AMBRA1: variants seen among roughly 807,000 people sequenced by gnomAD.
AMBRA1 encodes the protein activating molecule in BECN1-regulated autophagy protein 1.
Under a neutral mutation model 125.4 loss-of-function variants are expected in AMBRA1, and 47 were observed. The ratio of observed to expected loss-of-function variants is 0.37; its 90% CI spans 0.30 to 0.48. AMBRA1 has a LOEUF of 0.48. Among genes scored for constraint, AMBRA1 ranks in the 20% least tolerant of loss-of-function variants. The pLI is 0.99. For missense variants in AMBRA1, 1,331 were observed against 1,693.4 expected, an observed-to-expected ratio of 0.79 and a Z score of 3.76; for synonymous variants, 626 against 655.5, an observed-to-expected ratio of 0.95 and a Z score of 0.69.
At chr11:46,417,482 T>C (rs1397681340) in intron 15 of AMBRA1, among the ~76,000 whole-genome samples, 1 of 152,240 alleles carries the variant, frequency 6.6e-6, no homozygotes, top group African/African-American at 2.4e-5. Flanking sequence ...CTTAACAAAT[T>C]AGGGTTTCAA....
chr11:46,525,473 G>A (rs779757583), intron 7 of AMBRA1, among the ~76,000 whole-genome samples: 2 of 152,038 alleles, frequency 1.3e-5, no homozygotes, highest in Non-Finnish European at 2.9e-5. Context: ...GTCTGGGCGC[G>A]GTGGCTCATG....
chr11:46,583,862 G>A (rs1270006859), intron 1 of AMBRA1, among the ~76,000 whole-genome samples: 1 of 146,428 alleles, frequency 6.8e-6, no homozygotes, highest in Non-Finnish European at 1.5e-5. Context: ...TCATTAAAAA[G>A]TCAGGAAACA....
intron 15 of AMBRA1, among the ~76,000 whole-genome samples, chr11:46,416,062 G>A (rs1198512960): frequency 6.6e-6 from 1 of 152,174 alleles, no homozygotes; most frequent in East Asian, 1.9e-4. Flanking sequence ...AGTGGTGGAA[G>A]CCATAGACAA....
At chr11:46,590,186 C>T (rs1565333025) in intron 1 of AMBRA1, among the ~76,000 whole-genome samples, 1 of 151,752 alleles carries the variant, frequency 6.6e-6, no homozygotes, top group Non-Finnish European at 1.5e-5. Context: ...TCCTGGCCAA[C>T]ACGGTGAAAC....
chr11:46,552,472 T>C (rs1206041630), intron 1 of AMBRA1, among the ~76,000 whole-genome samples: 1 of 141,648 alleles, frequency 7.1e-6, no homozygotes, highest in African/African-American at 2.7e-5. Context: ...TGGTAACAAG[T>C]TCAAGAGATC....
At chr11:46,527,477 C>CA (rs59904013) in intron 7 of AMBRA1, among the ~76,000 whole-genome samples, 13,395 of 25,882 alleles carry the variant, frequency 0.52, 5,377 homozygotes, top group Non-Finnish European at 0.61. Context: ...GAGACTGTCT[C>CA]AAAAAAAAAA....
At chr11:46,404,716 T>C (rs149872449) in intron 17 of AMBRA1, among the ~76,000 whole-genome samples, 87 of 152,274 alleles carry the variant, frequency 5.7e-4, no homozygotes, top group African/African-American at 2.0e-3. Flanking sequence ...TACTCTACTT[T>C]ACAGGAGGAG....
At chr11:46,525,415 T>G (rs1293186376) in intron 7 of AMBRA1, among the ~76,000 whole-genome samples, 1 of 151,558 alleles carries the variant, frequency 6.6e-6, no homozygotes, top group Non-Finnish European at 1.5e-5. Context: ...ATGGCCAAAG[T>G]GGCAAAACCC....
At chr11:46,459,563 T>C (rs2136827015) in intron 11 of AMBRA1, among the ~76,000 whole-genome samples, 1 of 151,954 alleles carries the variant, frequency 6.6e-6, no homozygotes, top group Admixed American at 6.6e-5. Context: ...ATACAAAAAG[T>C]AGCTGGGCAT....
chr11:46,547,885 A>AC lies in AMBRA1; in HGVS notation c.136-11_136-10insG. 5.5e-6 allele frequency: 1 copy of AC among 180,244 alleles called. No homozygotes were observed. The highest frequency in any genetic ancestry group is 1.0e-5 in the Non-Finnish European group (1 of 99,682). The allele number at this position is 180,244 out of a possible 1,614,324, so 11.2% of individuals were successfully genotyped here. A position where few individuals can be genotyped will look rare whatever the true frequency, so the allele number is the denominator to read the frequency against. On this transcript the variant is annotated splice_polypyrimidine_tract_variant and intron_variant, in intron 2 of 17. Coordinates refer to ENST00000683756, the MANE Select transcript of AMBRA1 (RefSeq NM_001387011.1). ...CCGGCAGTTCTACTCTCTGGGAGAC[A>AC]AAAAAAAAAAAAAAGTTAAAATACA...
At position 46,544,005 on chromosome 11, in the gene AMBRA1, G is replaced by A. The variant is rs564995250; in HGVS notation, c.588C>T (p.Leu196=). 11 of 1,614,020 alleles carry A rather than the reference G, an allele frequency of 6.8e-6. No individual in the cohort carries two copies. In the African/African-American group the frequency reaches 1.5e-4, roughly 22 times the overall value. Residue 196 remains leucine (L), a synonymous_variant, in exon 6 of 18, where the codon CTC becomes CTT. Transcript: ENST00000683756. ...VRFDPLGHYL[L]TAIVNPSNQQ... ...GATTAGAGGGGTTAACAATTGCTGT[G>A]AGTAAGTAGTGTCCAAGTGGATCAA...
intron 15 of AMBRA1, among the ~76,000 whole-genome samples, chr11:46,415,036 G>C (rs1372018777): frequency 1.3e-5 from 2 of 152,140 alleles, no homozygotes; most frequent in African/African-American, 4.8e-5. Flanking sequence ...CTGGGACAAA[G>C]GCAGACAGCC....
At chr11:46,401,383 G>A (rs1025355196) in intron 17 of AMBRA1, among the ~76,000 whole-genome samples, 2 of 152,180 alleles carry the variant, frequency 1.3e-5, no homozygotes, top group African/African-American at 2.4e-5. Flanking sequence ...TGGGACTACA[G>A]GCATGTGCCA....
chr11:46,441,539 A>T (rs1340711838), intron 12 of AMBRA1, among the ~76,000 whole-genome samples: 2 of 152,106 alleles, frequency 1.3e-5, no homozygotes, highest in African/African-American at 4.8e-5. Context: ...AAGCTGTACA[A>T]GTACAGGAAG....
chr11:46,593,782 G>A, intron 1 of AMBRA1, 46 bp downstream of exon 1: 1 of 394,140 alleles, frequency 2.5e-6, no homozygotes, highest in East Asian at 3.6e-5. Flanking sequence ...CAACCCCGCG[G>A]CGGAAGGATG....
intron 11 of AMBRA1, among the ~76,000 whole-genome samples, chr11:46,454,579 C>CAA (rs777518872): frequency 0.01 from 525 of 50,466 alleles, 3 homozygotes; most frequent in African/African-American, 0.023. Flanking sequence ...ACTAAAAATA[C>CAA]AAAAAAAAAA....
chr11:46,586,820 C>G (rs2044419840), intron 1 of AMBRA1, among the ~76,000 whole-genome samples: 2 of 152,090 alleles, frequency 1.3e-5, no homozygotes, highest in African/African-American at 2.4e-5. Context: ...TTGAACCAGG[C>G]TGCTTGGCTC....
intron 7 of AMBRA1, among the ~76,000 whole-genome samples, chr11:46,513,431 G>A (rs938483872): frequency 2.6e-5 from 4 of 151,980 alleles, no homozygotes; most frequent in African/African-American, 9.7e-5. Flanking sequence ...TATGTGATAC[G>A]TACATTTTAT....
intron 1 of AMBRA1, among the ~76,000 whole-genome samples, chr11:46,549,836 G>A (rs917529696): frequency 1.3e-5 from 2 of 151,658 alleles, no homozygotes; most frequent in Non-Finnish European, 2.9e-5. Context: ...GGGGGGGGTG[G>A]GGGACAGAGT....
Sources: allele counts gnomAD v4.1 joint callset (sites outside exome capture counted in the v4.1 genomes callset), GRCh38; gene constraint gnomAD v4.1.1; transcripts MANE v1.5; gene names NCBI Gene and HGNC (gene_info 2026-07-23, HGNC 2026-07-21).